SENP1: variants seen among roughly 807,000 people sequenced by gnomAD.
The protein encoded by SENP1 is SUMO specific peptidase 1.
In SENP1, 21 loss-of-function variants were observed where a neutral mutation model predicts 93.0. The observed-to-expected ratio is 0.23, with a 90% CI of 0.16 to 0.33. The LOEUF (loss-of-function observed/expected upper bound fraction) is 0.33, where lower values mean the gene tolerates loss of function less well. Ranked by LOEUF, SENP1 falls within the 10% of genes least tolerant of loss-of-function variation. The pLI, the probability that SENP1 is intolerant of heterozygous loss-of-function variation, is 1.00. For synonymous variants in SENP1, 256 were observed against 259.6 expected, an observed-to-expected ratio of 0.99 and a Z score of 0.13; for missense variants, 591 against 758.7, an observed-to-expected ratio of 0.78 and a Z score of 2.60.
rs1386425525 is a variant in SENP1 at position 48,065,679 on chromosome 12, T to C, written c.1036A>G (p.Thr346Ala). ...CGTGCTCGAGAATCATAAACACTAGTTCTAGAAAATGAAAAGGAACGTGAC... is the reference window on the plus strand; with the variant it reads ...CGTGCTCGAGAATCATAAACACTAGCTCTAGAAAATGAAAAGGAACGTGAC... ...FQAELWIKELTSVYDSRARER... is the reference protein window; with the variant it reads ...FQAELWIKELASVYDSRARER... Residue 346 changes from threonine (T) to alanine (A), a missense_variant and splice_region_variant, in exon 11 of 18, where the codon ACT (threonine) becomes GCT (alanine). By Grantham distance (58) the Thr-to-Ala change is moderately conservative. Around this residue, in one of 4 missense-constraint regions of SENP1, gnomAD observed 238 missense variants for 259.1 expected, o/e 0.92. Coordinates refer to ENST00000549518, the MANE Select transcript of SENP1 (RefSeq NM_001267594.2). 1.3e-6 allele frequency: 2 copies of C among 1,551,302 alleles called. No homozygotes were observed. Among genetic ancestry groups the C allele is most frequent in the South Asian group, 1.2e-5 (1 of 84,058 alleles).
At chr12:48,056,006 AT>A (rs899989076) in intron 13 of SENP1, among the ~76,000 whole-genome samples, 4 of 129,982 alleles carry the variant, frequency 3.1e-5, no homozygotes, top group Admixed American at 8.1e-5. Flanking sequence ...TTTAATATAT[AT>A]TTTAATATAT....
intron 4 of SENP1, 93 bp downstream of exon 4, chr12:48,096,250 T>C: frequency 1.5e-6 from 1 of 656,548 alleles, no homozygotes; most frequent in Non-Finnish European, 2.6e-6. Flanking sequence ...TTTTTGACAA[T>C]GTTTTTACTT....
rs924752777 is a variant in SENP1 at position 48,106,048 on chromosome 12, T to C, written c.-65A>G. ...CTCACCGAACCGGAACCGGCTGCCA[T>C]GCGAAGGGGTTTCCGGCCGGGCGCG... On this transcript the variant is annotated 5_prime_UTR_variant, in exon 1 of 18. The change abolishes an upstream ATG in the 5' untranslated region. Coordinates refer to ENST00000549518, the MANE Select transcript of SENP1 (RefSeq NM_001267594.2). The C allele has an allele frequency of 9.7e-5, 68 of 701,960 alleles. No homozygotes were observed. The highest frequency in any genetic ancestry group is 1.9e-4 in the African/African-American group (11 of 57,212). 43.5% of individuals were successfully genotyped at this position (701,960 alleles called of 1,614,324 possible). A position where few individuals can be genotyped will look rare whatever the true frequency, so the allele number is the denominator to read the frequency against.
rs138541965 is a variant in SENP1, at chr12:48,076,641, TG to T, written c.553-1849del. 9.8e-3 allele frequency among the ~76,000 whole-genome samples: 1,237 copies of T among 126,110 alleles called. 18 individuals carry two copies. Among genetic ancestry groups the T allele is most frequent in the Admixed American group, 0.034 (398 of 11,648 alleles). The allele number at this position is 126,110 out of a possible 152,430, so 82.7% of individuals were successfully genotyped here. A position where few individuals can be genotyped will look rare whatever the true frequency, so the allele number is the denominator to read the frequency against. On this transcript the variant is annotated intron_variant, in intron 6 of 17. Coordinates refer to ENST00000549518, the MANE Select transcript of SENP1 (RefSeq NM_001267594.2). ...GCCACAGCACCCAATATGTAGTTTT[TG>T]CTTTTTTTTTTTCTTTTTTGAGACG...
intron 5 of SENP1, among the ~76,000 whole-genome samples, chr12:48,086,749 A>G (rs887982752): frequency 1.3e-5 from 2 of 152,170 alleles, no homozygotes; most frequent in Non-Finnish European, 2.9e-5. Context: ...TAAAAAAAGG[A>G]GGCTGAGGCT....
At chr12:48,063,868 T>C (rs770485014) in intron 12 of SENP1, 27 bp from the exon 13 acceptor site, 2 of 1,596,084 alleles carry the variant, frequency 1.3e-6, no homozygotes, top group Non-Finnish European at 1.7e-6. Context: ...TGTCAAGACA[T>C]CAAACACGCG....
intron 13 of SENP1, among the ~76,000 whole-genome samples, chr12:48,060,647 C>T (rs1310263188): frequency 6.6e-6 from 1 of 152,164 alleles, no homozygotes; most frequent in African/African-American, 2.4e-5. Flanking sequence ...TGCAGTTGCA[C>T]AATCATAACT....
chr12:48,059,648 G>A (rs1942825670), intron 13 of SENP1, among the ~76,000 whole-genome samples: 1 of 152,086 alleles, frequency 6.6e-6, no homozygotes, highest in African/African-American at 2.4e-5. Context: ...GTTGGATGCT[G>A]GATATTGCAA....
At chr12:48,099,571 T>A (rs1945783486) in intron 2 of SENP1, among the ~76,000 whole-genome samples, 1 of 152,108 alleles carries the variant, frequency 6.6e-6, no homozygotes. Context: ...ATCCCAGCAC[T>A]CTGGGAGGCT....
intron 1 of SENP1, among the ~76,000 whole-genome samples, chr12:48,103,116 A>G (rs1484184516): frequency 6.6e-6 from 1 of 152,222 alleles, no homozygotes; most frequent in African/African-American, 2.4e-5. Flanking sequence ...CATAATTGTC[A>G]TTACTAGCCT....
Position 48,043,707 on chromosome 12 carries a change from C to A in SENP1, c.*1615G>T, listed in dbSNP as rs1941156170. ...AGGTGGTCTTTCCCCAAAAGGCAGG[C>A]AGTTGAAGGGAGGACATGTAGTTGC... On this transcript the variant is annotated 3_prime_UTR_variant, in exon 18 of 18. Transcript: ENST00000549518. 6.6e-6 allele frequency: 1 copy of A among 152,366 alleles called. No individual in the cohort carries two copies. The highest frequency in any genetic ancestry group is 1.5e-5 in the Non-Finnish European group (1 of 67,982). The allele number at this position is 152,366 out of a possible 1,614,324, so 9.4% of individuals were successfully genotyped here.
At chr12:48,074,225 A>G in intron 8 of SENP1, 99 bp downstream of exon 8, 1 of 1,036,868 alleles carries the variant, frequency 9.6e-7, no homozygotes, top group Non-Finnish European at 1.4e-6. Flanking sequence ...CGGTATGCTC[A>G]TTTATTTATA....
intron 9 of SENP1, among the ~76,000 whole-genome samples, chr12:48,070,407 A>T (rs1233032005): frequency 6.6e-6 from 1 of 152,098 alleles, no homozygotes. Context: ...TCTTCATAGC[A>T]CTTATCACAA....
chr12:48,089,163 C>T (rs1373651571), intron 4 of SENP1: 1 of 1,551,866 alleles, frequency 6.4e-7, no homozygotes, highest in East Asian at 2.4e-5. Context: ...CCATACTAAC[C>T]TGAAAATTGA....
At chr12:48,064,971 C>G in intron 12 of SENP1, 94 bp downstream of exon 12, 1 of 924,522 alleles carries the variant, frequency 1.1e-6, no homozygotes, top group Non-Finnish European at 1.7e-6. Context: ...GCCACCGTGC[C>G]TGACCACTAT....
Position 48,071,864 on chromosome 12 carries a change from G to T in SENP1, c.941-143C>A, listed in dbSNP as rs1272897013. The T allele has an allele frequency of 5.5e-6, 3 of 548,544 alleles. No individual in the cohort carries two copies. The African/African-American group carries it at 5.7e-5, about 10-fold the overall frequency. 34.0% of individuals were successfully genotyped at this position (548,544 alleles called of 1,614,324 possible). On this transcript the variant is annotated intron_variant, in intron 8 of 17. Transcript: ENST00000549518. The stretch of plus-strand genomic sequence containing the variant: ...GAACAAAGGTTAGATGGGAGAGAGA[G>T]AGAGGCAAGTCCATTGTCACTGAGA...
chr12:48,092,140 C>T (rs1302115342), intron 4 of SENP1, among the ~76,000 whole-genome samples: 1 of 151,972 alleles, frequency 6.6e-6, no homozygotes, highest in African/African-American at 2.4e-5. Context: ...GATCCTAGAT[C>T]CTAAAGTTTG....
In SENP1 at chr12:48,083,759, T is replaced by C. The variant is rs1193150155; in HGVS notation, c.384A>G (p.Gly128=). ...ACTTTCCCGCAAAACTGTTTGATAA[T>C]CCACTAAAAAAAGAGTTTGTAAGAA... ...LYLETRKTSS[G]LSNSFAGKSN... is the part of the protein sequence containing the mutation. The change falls in exon 6 of 18, where the codon GGA becomes GGG. Residue 128 remains glycine, a synonymous_variant. Coordinates refer to ENST00000549518, the MANE Select transcript of SENP1 (RefSeq NM_001267594.2). The C allele has an allele frequency of 6.3e-7, 1 of 1,593,810 alleles. No individual in the cohort carries two copies. The highest frequency in any genetic ancestry group is 2.2e-5 in the East Asian group (1 of 44,698).
At chr12:48,081,102 T>A (rs1276229871) in intron 6 of SENP1, among the ~76,000 whole-genome samples, 1 of 152,170 alleles carries the variant, frequency 6.6e-6, no homozygotes, top group Non-Finnish European at 1.5e-5. Flanking sequence ...CTGGTGAGCC[T>A]GAGCAACAGA....
Sources: gnomAD v4.1 joint callset for allele counts (sites outside exome capture counted in the v4.1 genomes callset) on GRCh38, gnomAD v4.1.1 for gene constraint, gnomAD v4.1.1 regional missense constraint, MANE v1.5 for transcripts, NCBI Gene and HGNC (gene_info 2026-07-23, HGNC 2026-07-21) for gene names.